RIN2: variants seen among roughly 807,000 people sequenced by gnomAD.
RIN2 encodes the protein Ras and Rab interactor 2.
Under a neutral mutation model 78.0 loss-of-function variants are expected in RIN2, and 36 were observed. That is an observed-to-expected ratio of 0.46 (90% CI 0.35 to 0.61). The LOEUF is 0.61. RIN2 is among the 20% of genes least tolerant of loss of function. The pLI is 0.00. For missense variants in RIN2, 1,087 were observed against 1,159.7 expected (o/e 0.94, Z 0.91); for synonymous variants, 466 against 466.8 (o/e 1.00, Z 0.02).
intron 2 of RIN2, chr20:19,886,612 C>CTTCT (rs748011640): frequency 1.0e-4 from 53 of 520,916 alleles, no homozygotes; most frequent in Middle Eastern, 3.9e-4. Flanking sequence ...TCTTCTTCTT[C>CTTCT]TTTTTTTTTT....
At chr20:19,909,774 T>C (rs970693693) in intron 3 of RIN2, among the ~76,000 whole-genome samples, 2 of 152,238 alleles carry the variant, frequency 1.3e-5, no homozygotes, top group Non-Finnish European at 2.9e-5. Flanking sequence ...CTGTGTGGTT[T>C]CCAGGGCTCA....
chr20:19,839,510 G>A (rs1281505353), intron 2 of RIN2, among the ~76,000 whole-genome samples: 1 of 152,176 alleles, frequency 6.6e-6, no homozygotes, highest in Non-Finnish European at 1.5e-5. Context: ...CCATGTCTCT[G>A]GGTCCCTGGC....
At chr20:19,808,807 A>G (rs1166939933) in intron 2 of RIN2, among the ~76,000 whole-genome samples, 2 of 152,320 alleles carry the variant, frequency 1.3e-5, no homozygotes, top group South Asian at 2.1e-4. Context: ...TCCTGGGACT[A>G]GTGCCAGCGA....
At chr20:19,798,531 G>A (rs144265634) in intron 1 of RIN2, among the ~76,000 whole-genome samples, 117 of 152,132 alleles carry the variant, frequency 7.7e-4, no homozygotes, top group Admixed American at 1.4e-3. Flanking sequence ...TTCTTATACC[G>A]ATGTTGGGAG....
intron 3 of RIN2, among the ~76,000 whole-genome samples, chr20:19,933,853 G>T (rs971535446): frequency 6.6e-6 from 1 of 152,104 alleles, no homozygotes; most frequent in Non-Finnish European, 1.5e-5. Flanking sequence ...CTGTCGCCCA[G>T]GCTGGAGTGC....
intron 12 of RIN2, 142 bp from the exon 13 acceptor site, chr20:20,000,471 G>A (rs903801750): frequency 3.1e-5 from 20 of 642,462 alleles, no homozygotes; most frequent in Admixed American, 8.2e-5. Flanking sequence ...CTTGCCATTC[G>A]AAGCCTCGTG....
At chr20:19,832,254 G>C (rs1213073867) in intron 2 of RIN2, among the ~76,000 whole-genome samples, 2 of 149,330 alleles carry the variant, frequency 1.3e-5, no homozygotes. Context: ...CGCTGGCTCT[G>C]TGACTCCCAG....
chr20:19,837,373 A>C (rs1306545118), intron 2 of RIN2, among the ~76,000 whole-genome samples: 2 of 152,260 alleles, frequency 1.3e-5, no homozygotes, highest in Admixed American at 1.3e-4. Context: ...AAAGGCTCTG[A>C]GAAATCCACA....
chr20:19,898,080 G>A (rs1380912689), intron 3 of RIN2, among the ~76,000 whole-genome samples: 1 of 152,162 alleles, frequency 6.6e-6, no homozygotes, highest in African/African-American at 2.4e-5. Context: ...CAGGACTCAA[G>A]TCAGCGCCCC....
intron 4 of RIN2, among the ~76,000 whole-genome samples, chr20:19,952,674 G>T (rs2041367255): frequency 2.0e-5 from 3 of 152,262 alleles, no homozygotes; most frequent in Non-Finnish European, 4.4e-5. Context: ...TCTAGGGAAG[G>T]AAGATATGTC....
intron 12 of RIN2, among the ~76,000 whole-genome samples, chr20:19,997,107 C>T (rs1402890889): frequency 6.6e-6 from 1 of 152,042 alleles, no homozygotes; most frequent in Admixed American, 6.6e-5. Context: ...GACGATAAGT[C>T]AAAAAGGAGG....
intron 2 of RIN2, among the ~76,000 whole-genome samples, chr20:19,801,042 A>C (rs1352423519): frequency 6.6e-6 from 1 of 152,184 alleles, no homozygotes; most frequent in African/African-American, 2.4e-5. Context: ...AGAGAAAGCA[A>C]ACCCTTGCAG....
At chr20:19,956,874 C>T (rs1194952719) in intron 5 of RIN2, 67 bp downstream of exon 5, 1 of 1,357,706 alleles carries the variant, frequency 7.4e-7, no homozygotes, top group Non-Finnish European at 9.8e-7. Context: ...AAGAAAAACA[C>T]TTGGAGTTAG....
At chr20:19,916,389 C>G (rs539984028) in intron 3 of RIN2, among the ~76,000 whole-genome samples, 1 of 152,196 alleles carries the variant, frequency 6.6e-6, no homozygotes, top group Non-Finnish European at 1.5e-5. Context: ...GAAACCAAAG[C>G]GGGAGGATTG....
At chr20:19,757,775 A>ATC (rs1199787902), upstream of RIN2, 1 of 152,290 alleles carries the variant, frequency 6.6e-6, no homozygotes, top group Admixed American at 6.5e-5. Context: ...AAAGGCAAGA[A>ATC]TCTCCGAGAA....
At chr20:19,897,119 T>G (rs2038767429) in intron 3 of RIN2, among the ~76,000 whole-genome samples, 1 of 152,172 alleles carries the variant, frequency 6.6e-6, no homozygotes, top group Non-Finnish European at 1.5e-5. Flanking sequence ...GTTGTTGTTG[T>G]TTTTGAGACA....
rs746357238 is a variant in RIN2 at position 20,000,902 on chromosome 20, T to C, written c.2654T>C (p.Phe885Ser). The change falls in exon 13 of 13, where the codon TTC becomes TCC. Residue 885 changes from phenylalanine to serine, a missense_variant. Around this residue, in one of 8 missense-constraint regions of RIN2, gnomAD observed 160 missense variants for 179.4 expected, o/e 0.89. Transcript: ENST00000255006. ...AAGAACGATCCTTATGGCATCATTTTCCAGAACGGGGAAGAAGACCTCACC... is the reference window on the plus strand; with the variant it reads ...AAGAACGATCCTTATGGCATCATTTCCCAGAACGGGGAAGAAGACCTCACC... ...RIKNDPYGII[F>S]QNGEEDLTTS The C allele has an allele frequency of 6.2e-7, 1 of 1,613,208 alleles. No homozygotes were observed. Among genetic ancestry groups the C allele is most frequent in the South Asian group, 1.1e-5 (1 of 91,070 alleles).
chr20:19,827,460 A>C (rs1013332973), intron 2 of RIN2, among the ~76,000 whole-genome samples: 19 of 152,226 alleles, frequency 1.2e-4, no homozygotes, highest in Non-Finnish European at 2.8e-4. Context: ...CCACAGCTTC[A>C]TAGCTGGAGA....
intron 1 of RIN2, among the ~76,000 whole-genome samples, chr20:19,766,037 C>T (rs1464346144): frequency 6.6e-6 from 1 of 152,082 alleles, no homozygotes; most frequent in African/African-American, 2.4e-5. Context: ...AGCTTCTTAT[C>T]CCCTCAGTCC....
Sources: allele counts gnomAD v4.1 joint callset (sites outside exome capture counted in the v4.1 genomes callset), GRCh38; gene constraint gnomAD v4.1.1; regional missense constraint gnomAD v4.1.1; transcripts MANE v1.5; gene names NCBI Gene and HGNC (gene_info 2026-07-23, HGNC 2026-07-21).